The following ENPP6 variants were observed in gnomAD, a reference collection of about 807,000 sequenced individuals.
The protein encoded by ENPP6 is ectonucleotide pyrophosphatase/phosphodiesterase 6.
ENPP6 carries 32 observed loss-of-function variants against 42.0 expected under a neutral mutation model. The observed-to-expected ratio is 0.76, with a 90% CI of 0.58 to 1.02. The LOEUF is 1.02. Among genes scored for constraint, ENPP6 ranks in the 50% least tolerant of loss-of-function variants. The pLI is 0.00. For missense variants in ENPP6, 552 were observed against 566.8 expected (o/e 0.97, Z 0.27); for synonymous variants, 213 against 216.0 (o/e 0.99, Z 0.12).
intron 6 of ENPP6, among the ~76,000 whole-genome samples, chr4:184,111,942 T>C (rs892968742): frequency 1.3e-5 from 2 of 152,182 alleles, no homozygotes; most frequent in African/African-American, 4.8e-5. Context: ...TTCTATTAGG[T>C]TGGTGCAAAA....
intron 6 of ENPP6, among the ~76,000 whole-genome samples, chr4:184,106,769 G>T (rs1158842847): frequency 6.6e-6 from 1 of 152,186 alleles, no homozygotes; most frequent in Non-Finnish European, 1.5e-5. Context: ...TAGCAGGGAG[G>T]GCAGGAGTGG....
chr4:184,158,137 C>T (rs1737205293), intron 1 of ENPP6, among the ~76,000 whole-genome samples: 3 of 152,214 alleles, frequency 2.0e-5, no homozygotes, highest in Admixed American at 2.0e-4. Flanking sequence ...GTCTTTGGCT[C>T]ACAGTCTGCT....
At chr4:184,200,846 T>C (rs777710165) in intron 1 of ENPP6, among the ~76,000 whole-genome samples, 4 of 152,326 alleles carry the variant, frequency 2.6e-5, no homozygotes, top group African/African-American at 4.8e-5. Flanking sequence ...CCTGGGTTGT[T>C]CTGCTGCAGA....
chr4:184,144,045 A>G (rs941504298), intron 2 of ENPP6, among the ~76,000 whole-genome samples: 1 of 152,202 alleles, frequency 6.6e-6, no homozygotes, highest in African/African-American at 2.4e-5. Flanking sequence ...AAGGTGCAGC[A>G]GAGGCTGGCA....
chr4:184,098,831 C>T (rs770067523), intron 6 of ENPP6, among the ~76,000 whole-genome samples: 1 of 152,196 alleles, frequency 6.6e-6, no homozygotes, highest in Non-Finnish European at 1.5e-5. Context: ...ACGAACGGCC[C>T]ATCCTTGCTA....
chr4:184,199,089 G>A (rs1040218683), intron 1 of ENPP6, among the ~76,000 whole-genome samples: 1 of 152,216 alleles, frequency 6.6e-6, no homozygotes, highest in Non-Finnish European at 1.5e-5. Flanking sequence ...CGCATGAATG[G>A]TTTTAACATA....
chr4:184,178,853 T>C (rs2310022), intron 1 of ENPP6, among the ~76,000 whole-genome samples: 130,183 of 152,188 alleles, frequency 0.86, 56,731 homozygotes, highest in East Asian at 1. Context: ...ACCAGGTCTG[T>C]GTTGCAAGAG....
chr4:184,132,674 G>A (rs1736657072), intron 2 of ENPP6, among the ~76,000 whole-genome samples: 1 of 151,588 alleles, frequency 6.6e-6, no homozygotes, highest in Admixed American at 6.6e-5. Context: ...GAAGCCTTAT[G>A]TTTTCCATTT....
intron 1 of ENPP6, among the ~76,000 whole-genome samples, chr4:184,169,329 G>A (rs1021339168): frequency 2.0e-5 from 3 of 152,158 alleles, no homozygotes; most frequent in South Asian, 2.1e-4. Context: ...CATTCCTCTC[G>A]GTGGCCGAGC....
At position 184,091,049 on chromosome 4, in the gene ENPP6, G is replaced by T; in HGVS notation, c.*128C>A. On this transcript the variant is annotated 3_prime_UTR_variant, in exon 8 of 8. Coordinates refer to ENST00000296741, the MANE Select transcript of ENPP6 (RefSeq NM_153343.4). The stretch of plus-strand genomic sequence containing the variant: ...ATGTATAGAATTATCCAAGAATAAT[G>T]TATTTACAATGTGCATGGTCTTGAT... 1.2e-6 allele frequency: 1 copy of T among 803,160 alleles called. No individual in the cohort carries two copies. Among genetic ancestry groups the T allele is most frequent in the Non-Finnish European group, 1.8e-6 (1 of 554,436 alleles). The allele number at this position is 803,160 out of a possible 1,614,324, so 49.8% of individuals were successfully genotyped here.
At chr4:184,209,411 A>G (rs1413296816) in intron 1 of ENPP6, among the ~76,000 whole-genome samples, 2 of 151,550 alleles carry the variant, frequency 1.3e-5, no homozygotes, top group Non-Finnish European at 2.9e-5. Flanking sequence ...GGAGCTGAAA[A>G]CCAAGGCTCG....
intron 7 of ENPP6, among the ~76,000 whole-genome samples, chr4:184,093,640 A>AAATAATAATAATAATAAT (rs370411138): frequency 4.5e-5 from 6 of 132,462 alleles, no homozygotes; most frequent in East Asian, 2.2e-4. Flanking sequence ...CTCTGTCTCA[A>AAATAATAATAATAATAAT]AATAATAATA....
At chr4:184,091,503 C>T (rs943201983) in intron 7 of ENPP6, 121 bp from the exon 8 acceptor site, 1 of 899,832 alleles carries the variant, frequency 1.1e-6, no homozygotes, top group African/African-American at 1.7e-5. Flanking sequence ...GAATCAGCTC[C>T]ATCAGTGGGG....
At chr4:184,203,412 A>G (rs192115525) in intron 1 of ENPP6, among the ~76,000 whole-genome samples, 1 of 152,350 alleles carries the variant, frequency 6.6e-6, no homozygotes, top group Admixed American at 6.5e-5. Context: ...CCAAGAAGAT[A>G]TACTGAAGTT....
chr4:184,170,731 A>G (rs1201752734), intron 1 of ENPP6, among the ~76,000 whole-genome samples: 1 of 152,154 alleles, frequency 6.6e-6, no homozygotes, highest in Non-Finnish European at 1.5e-5. Context: ...GCAAGAATCC[A>G]CTGCACGTGG....
intron 1 of ENPP6, among the ~76,000 whole-genome samples, chr4:184,192,471 A>C (rs1732724361): frequency 6.6e-6 from 1 of 152,238 alleles, no homozygotes; most frequent in Admixed American, 6.5e-5. Context: ...ACTTAAATGT[A>C]AGAGCTAGAA....
rs903006272 is a variant in ENPP6, at chr4:184,184,751, G to A, written c.242-31018C>T. 2.0e-5 allele frequency among the ~76,000 whole-genome samples: 3 copies of A among 152,192 alleles called. No individual in the cohort carries two copies. Among genetic ancestry groups the A allele is most frequent in the Non-Finnish European group, 4.4e-5 (3 of 68,038 alleles). ...GGGTCCACAGGCCCAAAAAGGCCAA[G>A]GAATTCTGGCGGCACCAGCAGCTGG... On this transcript the variant is annotated intron_variant, in intron 1 of 7. Transcript: ENST00000296741. The surrounding 1 kb of genome is among the most constrained non-coding windows in gnomAD (Gnocchi z 4.7).
chr4:184,104,952 T>C (rs1455774681), intron 6 of ENPP6, among the ~76,000 whole-genome samples: 1 of 152,196 alleles, frequency 6.6e-6, no homozygotes, highest in African/African-American at 2.4e-5. Flanking sequence ...TGGAGAACAT[T>C]AGCAACTCTT....
intron 3 of ENPP6, among the ~76,000 whole-genome samples, chr4:184,122,580 C>A (rs1203826608): frequency 6.6e-6 from 1 of 152,220 alleles, no homozygotes; most frequent in Non-Finnish European, 1.5e-5. Context: ...CTGGCCGGTG[C>A]CAACCTGCAC....
Sources: gnomAD v4.1 joint callset for allele counts (sites outside exome capture counted in the v4.1 genomes callset) on GRCh38, gnomAD v4.1.1 for gene constraint, Gnocchi (gnomAD v3.1) non-coding constraint, MANE v1.5 for transcripts, NCBI Gene and HGNC (gene_info 2026-07-23, HGNC 2026-07-21) for gene names.